The following REC114 variants were observed in gnomAD, a reference collection of about 807,000 sequenced individuals.
The protein encoded by REC114 is REC114 meiotic recombination protein, also known as meiotic recombination protein REC114.
In REC114, 27 loss-of-function variants were observed where a neutral mutation model predicts 31.3. The observed-to-expected ratio is 0.86, with a 90% CI of 0.64 to 1.19. REC114 has a LOEUF of 1.19. Among genes scored for constraint, REC114 ranks in the 50% most tolerant of loss-of-function variants. The pLI is 0.00. For synonymous variants in REC114, 134 were observed against 127.7 expected (o/e 1.05, Z -0.33); for missense variants, 344 against 326.9 (o/e 1.05, Z -0.40).
chr15:73,545,071 TTAG>T (rs942422997), intron 3 of REC114, among the ~76,000 whole-genome samples: 1 of 152,226 alleles, frequency 6.6e-6, no homozygotes, highest in Non-Finnish European at 1.5e-5. Flanking sequence ...GAGCCAGCAC[TTAG>T]TAGGCCTAAT....
chr15:73,514,116 T>G (rs924586025), intron 2 of REC114, among the ~76,000 whole-genome samples: 3 of 152,018 alleles, frequency 2.0e-5, no homozygotes, highest in Non-Finnish European at 4.4e-5. Flanking sequence ...GGTAGGACCC[T>G]CCGAGCCAGG....
chr15:73,484,189 T>G (rs1893335316), intron 2 of REC114, among the ~76,000 whole-genome samples: 1 of 151,904 alleles, frequency 6.6e-6, no homozygotes, highest in Non-Finnish European at 1.5e-5. Context: ...CATGTGATCT[T>G]CTCCACTCCT....
At chr15:73,495,294 T>C (rs1216838406) in intron 2 of REC114, among the ~76,000 whole-genome samples, 1 of 152,140 alleles carries the variant, frequency 6.6e-6, no homozygotes, top group African/African-American at 2.4e-5. Context: ...AGACTGTCTT[T>C]ATTTTTAGAG....
intron 2 of REC114, among the ~76,000 whole-genome samples, chr15:73,512,000 G>A (rs1460189123): frequency 8.9e-6 from 1 of 112,544 alleles, no homozygotes; most frequent in Non-Finnish European, 1.7e-5. Flanking sequence ...GGGTATCCTT[G>A]TTGACTTTCT....
At chr15:73,557,549 T>C (rs1894489940) in intron 5 of REC114, among the ~76,000 whole-genome samples, 1 of 152,108 alleles carries the variant, frequency 6.6e-6, no homozygotes, top group South Asian at 2.1e-4. Context: ...TTTCTTTTAA[T>C]AAACCCCTAA....
At chr15:73,457,685 C>T (rs183147022) in intron 1 of REC114, among the ~76,000 whole-genome samples, 19 of 152,170 alleles carry the variant, frequency 1.2e-4, no homozygotes, top group Non-Finnish European at 2.6e-4. Context: ...TTGATTTGTT[C>T]AGTTTTTTAT....
At chr15:73,494,523 C>G (rs1029612235) in intron 2 of REC114, among the ~76,000 whole-genome samples, 1 of 150,494 alleles carries the variant, frequency 6.6e-6, no homozygotes, top group East Asian at 2.0e-4. Context: ...AAGATATTTT[C>G]TTACCTCAAA....
chr15:73,514,859 G>A (rs1016692813), intron 2 of REC114, among the ~76,000 whole-genome samples: 4 of 151,300 alleles, frequency 2.6e-5, no homozygotes, highest in African/African-American at 7.3e-5. Flanking sequence ...ATTGGCATAA[G>A]TTTAAGTACA....
rs759924069 is a variant in REC114, at chr15:73,559,872, G to A, written c.757G>A (p.Glu253Lys). 2 of 1,612,658 alleles carry A rather than the reference G, an allele frequency of 1.2e-6. No homozygotes were observed. The highest frequency in any genetic ancestry group is 2.2e-5 in the South Asian group (2 of 90,898). ...MDQNFPAFVE[E>K]VEKELKKLAG... is the part of the protein sequence containing the mutation. ...TCAGAATTTCCCAGCATTTGTGGAA[G>A]AGGTAGAAAAGGAACTGAAAAAGCT... is the stretch of plus-strand genomic sequence containing the variant. The change falls in exon 6 of 6, where the codon GAG (glutamate) becomes AAG (lysine). Residue 253 changes from glutamate (E) to lysine (K), a missense_variant. Glu to Lys is a moderately conservative substitution (Grantham distance 56). Transcript: ENST00000331090.
intron 1 of REC114, among the ~76,000 whole-genome samples, chr15:73,450,386 CAA>C (rs1314252878): frequency 1.3e-5 from 2 of 151,672 alleles, no homozygotes; most frequent in Non-Finnish European, 2.9e-5. Flanking sequence ...TAAAAAGAGA[CAA>C]GAGCGTTACA....
chr15:73,443,802 G>A (rs941861115), intron 1 of REC114, among the ~76,000 whole-genome samples: 11 of 152,136 alleles, frequency 7.2e-5, no homozygotes, highest in Admixed American at 2.0e-4. Flanking sequence ...GAATCCTCGC[G>A]TTGCCAGTGA....
intron 2 of REC114, among the ~76,000 whole-genome samples, chr15:73,511,181 T>A (rs1163871128): frequency 6.6e-6 from 1 of 152,208 alleles, no homozygotes; most frequent in African/African-American, 2.4e-5. Context: ...GGAGAGTGTA[T>A]GTGTCGAGGA....
chr15:73,505,926 G>C (rs16957950), intron 2 of REC114, among the ~76,000 whole-genome samples: 3,289 of 152,242 alleles, frequency 0.022, 28 homozygotes, highest in East Asian at 0.027. Context: ...CTCTTAGTTT[G>C]AAAGGCTCTC....
At chr15:73,454,714 G>A (rs1892894029) in intron 1 of REC114, among the ~76,000 whole-genome samples, 1 of 152,172 alleles carries the variant, frequency 6.6e-6, no homozygotes, top group East Asian at 1.9e-4. Flanking sequence ...AAAAAGCTGG[G>A]AATGTTTGGT....
chr15:73,525,730 A>G (rs1893997276), intron 2 of REC114, among the ~76,000 whole-genome samples: 1 of 151,980 alleles, frequency 6.6e-6, no homozygotes, highest in Non-Finnish European at 1.5e-5. Flanking sequence ...AACCTACTCT[A>G]TATTATTTCA....
At chr15:73,534,614 G>A (rs974503842) in intron 2 of REC114, among the ~76,000 whole-genome samples, 2 of 152,030 alleles carry the variant, frequency 1.3e-5, no homozygotes, top group African/African-American at 4.8e-5. Flanking sequence ...AGGAGGAACT[G>A]GTACCATTCC....
intron 2 of REC114, among the ~76,000 whole-genome samples, chr15:73,478,296 GTTTAT>G (rs1893243813): frequency 6.7e-6 from 1 of 149,812 alleles, no homozygotes. Flanking sequence ...AAGAATTTGG[GTTTAT>G]TTTTTGCACG....
intron 2 of REC114, among the ~76,000 whole-genome samples, chr15:73,504,366 G>T (rs1393179629): frequency 6.6e-6 from 1 of 151,866 alleles, no homozygotes; most frequent in Non-Finnish European, 1.5e-5. Flanking sequence ...TTATCTTTTT[G>T]TATAGGAATT....
At chr15:73,504,379 A>G (rs1294974894) in intron 2 of REC114, among the ~76,000 whole-genome samples, 2 of 152,254 alleles carry the variant, frequency 1.3e-5, no homozygotes, top group East Asian at 1.9e-4. Flanking sequence ...TAGGAATTCA[A>G]TATTTTTTTC....
Sources: gnomAD v4.1 joint callset for allele counts (sites outside exome capture counted in the v4.1 genomes callset) on GRCh38, gnomAD v4.1.1 for gene constraint, MANE v1.5 for transcripts, NCBI Gene and HGNC (gene_info 2026-07-23, HGNC 2026-07-21) for gene names.